The following FSTL5 variants were observed in gnomAD, a reference collection of about 807,000 sequenced individuals.
FSTL5 encodes follistatin like 5, also known as follistatin-related protein 5.
Under a neutral mutation model 89.1 loss-of-function variants are expected in FSTL5, and 62 were observed. The ratio of observed to expected loss-of-function variants is 0.70; its 90% CI spans 0.57 to 0.86. The LOEUF is 0.86. Among genes scored for constraint, FSTL5 ranks in the 40% least tolerant of loss-of-function variants. FSTL5 has a pLI of 0.00. For missense variants in FSTL5, 1,057 were observed against 1,001.6 expected (o/e 1.06, Z -0.75); for synonymous variants, 383 against 346.2 (o/e 1.11, Z -1.18).
At chr4:162,148,715 C>T (rs1269427178) in intron 1 of FSTL5, among the ~76,000 whole-genome samples, 5 of 151,974 alleles carry the variant, frequency 3.3e-5, no homozygotes, top group African/African-American at 1.2e-4. Context: ...TTTATAATGC[C>T]TTCTAAATAT....
chr4:161,828,278 T>A (rs1380904863), intron 4 of FSTL5, among the ~76,000 whole-genome samples: 4 of 152,214 alleles, frequency 2.6e-5, no homozygotes, highest in Non-Finnish European at 5.9e-5. Context: ...CCTCTTTCAC[T>A]TTCACTCTTT....
chr4:161,812,585 T>G (rs1044610295), intron 4 of FSTL5, among the ~76,000 whole-genome samples: 1 of 151,574 alleles, frequency 6.6e-6, no homozygotes, highest in Non-Finnish European at 1.5e-5. Context: ...ACTAAAAAAA[T>G]AGTATTTTGA....
At position 161,587,546 on chromosome 4, in the gene FSTL5, A is replaced by C. The variant is rs577963999; in HGVS notation, c.924T>G (p.Ile308Met). 1 of 1,609,830 alleles carries C rather than the reference A, an allele frequency of 6.2e-7. No individual in the cohort carries two copies. The highest frequency in any genetic ancestry group is 1.3e-5 in the African/African-American group (1 of 74,950). Residue 308 changes from isoleucine (I) to methionine (M), a missense_variant, in exon 8 of 16, where the codon ATT (isoleucine) becomes ATG (methionine). Physicochemically the swap from Ile to Met is conservative, Grantham distance 10. Transcript: ENST00000306100. ...NDFGDDGSLY[I>M]TKVTTTHVGN... ...CAACGTGAGTTGTGGTAACCTTAGT[A>C]ATATACAAGGACCCATCATCTCCAA...
chr4:161,615,425 A>G (rs1734823817), intron 7 of FSTL5, among the ~76,000 whole-genome samples: 1 of 146,226 alleles, frequency 6.8e-6, no homozygotes, highest in African/African-American at 2.5e-5. Flanking sequence ...AGCCTGGGTG[A>G]CAGGGCGAGA....
chr4:162,161,318 G>A (rs1325253965), intron 1 of FSTL5, among the ~76,000 whole-genome samples: 2 of 151,878 alleles, frequency 1.3e-5, no homozygotes, highest in Non-Finnish European at 2.9e-5. Flanking sequence ...TTCAAAGTTG[G>A]CAATTTGATT....
intron 3 of FSTL5, among the ~76,000 whole-genome samples, chr4:162,027,025 A>G (rs1737321157): frequency 6.6e-6 from 1 of 152,152 alleles, no homozygotes; most frequent in Non-Finnish European, 1.5e-5. Flanking sequence ...GGGGAGAGAA[A>G]GATTATGTGT....
chr4:162,064,463 C>T (rs1315280395), intron 2 of FSTL5, among the ~76,000 whole-genome samples: 2 of 151,916 alleles, frequency 1.3e-5, no homozygotes, highest in African/African-American at 4.8e-5. Flanking sequence ...CGGACCTCAT[C>T]CAAATAATTG....
rs78176588 is a variant in FSTL5, at chr4:161,565,890, T to C, written c.1015+21565A>G. ...TATGGTGAACATATGTGTGCAGATG[T>C]CTTTTTTATATGATGACCTGTTTTT... On this transcript the variant is annotated intron_variant, in intron 8 of 15. Coordinates refer to ENST00000306100, the MANE Select transcript of FSTL5 (RefSeq NM_020116.5). 9.1e-3 allele frequency among the ~76,000 whole-genome samples: 1,373 copies of C among 151,448 alleles called. 6 individuals are homozygous for C. The highest frequency in any genetic ancestry group is 0.016 in the Non-Finnish European group (1,057 of 67,760).
At chr4:161,902,318 A>T (rs1419848615) in intron 4 of FSTL5, among the ~76,000 whole-genome samples, 1 of 152,210 alleles carries the variant, frequency 6.6e-6, no homozygotes, top group Admixed American at 6.5e-5. Context: ...AAGTAGTAAT[A>T]AGCCTTATCC....
intron 6 of FSTL5, among the ~76,000 whole-genome samples, chr4:161,715,037 A>G (rs1738928593): frequency 6.6e-6 from 1 of 152,168 alleles, no homozygotes; most frequent in African/African-American, 2.4e-5. Flanking sequence ...AACAACTAAT[A>G]ATTTTTGATT....
intron 4 of FSTL5, among the ~76,000 whole-genome samples, chr4:161,821,795 A>G (rs1263950864): frequency 2.0e-5 from 3 of 152,078 alleles, no homozygotes; most frequent in African/African-American, 7.2e-5. Context: ...GTGTATATAT[A>G]TATATGAATA....
At chr4:161,912,134 C>T (rs1189981554) in intron 4 of FSTL5, among the ~76,000 whole-genome samples, 1 of 152,018 alleles carries the variant, frequency 6.6e-6, no homozygotes, top group Non-Finnish European at 1.5e-5. Context: ...GGTTTTTTTA[C>T]CACTGTGTTT....
intron 6 of FSTL5, among the ~76,000 whole-genome samples, chr4:161,714,484 G>T (rs778430336): frequency 6.6e-6 from 1 of 152,098 alleles, no homozygotes; most frequent in Non-Finnish European, 1.5e-5. Flanking sequence ...TTTTAAAAAT[G>T]GGTTTCAAAT....
intron 4 of FSTL5, among the ~76,000 whole-genome samples, chr4:161,797,800 A>T (rs998689179): frequency 6.6e-6 from 1 of 151,662 alleles, no homozygotes; most frequent in African/African-American, 2.4e-5. Context: ...TCTATTAGAA[A>T]TATTTCAATT....
chr4:161,458,074 C>G (rs1260647295), intron 14 of FSTL5, among the ~76,000 whole-genome samples: 1 of 152,076 alleles, frequency 6.6e-6, no homozygotes, highest in Non-Finnish European at 1.5e-5. Flanking sequence ...GCAGGGGACA[C>G]AAGGCACCCA....
chr4:161,394,051 T>C (rs1360105347), intron 15 of FSTL5, among the ~76,000 whole-genome samples: 1 of 152,140 alleles, frequency 6.6e-6, no homozygotes, highest in Admixed American at 6.6e-5. Flanking sequence ...GTCTAGTTAA[T>C]GTATAGAGCT....
chr4:162,043,736 T>C (rs993936272), intron 2 of FSTL5, among the ~76,000 whole-genome samples: 9 of 152,312 alleles, frequency 5.9e-5, no homozygotes, highest in African/African-American at 2.2e-4. Context: ...ATCAACTACG[T>C]TTATGTAATA....
intron 15 of FSTL5, among the ~76,000 whole-genome samples, chr4:161,393,272 T>G (rs940392624): frequency 1.3e-5 from 2 of 151,884 alleles, no homozygotes; most frequent in Non-Finnish European, 1.5e-5. Flanking sequence ...AAAAAAAAAT[T>G]TATGAAGAAA....
intron 3 of FSTL5, among the ~76,000 whole-genome samples, chr4:162,002,317 G>T (rs766385645): frequency 3.3e-5 from 5 of 152,106 alleles, no homozygotes; most frequent in Non-Finnish European, 5.9e-5. Flanking sequence ...TAAATCTTAT[G>T]ATTCACTTCC....
Sources: gnomAD v4.1 joint callset for allele counts (sites outside exome capture counted in the v4.1 genomes callset) on GRCh38, gnomAD v4.1.1 for gene constraint, MANE v1.5 for transcripts, NCBI Gene and HGNC (gene_info 2026-07-23, HGNC 2026-07-21) for gene names.